GASK1A: variants seen among roughly 807,000 people sequenced by gnomAD.
GASK1A encodes Golgi-associated kinase 1A.
Under a neutral mutation model 41.2 loss-of-function variants are expected in GASK1A, and 40 were observed. That is an observed-to-expected ratio of 0.97 (90% CI 0.75 to 1.27). The LOEUF (loss-of-function observed/expected upper bound fraction) is 1.27. Among genes scored for constraint, GASK1A ranks in the 50% most tolerant of loss-of-function variants. The probability of loss-of-function intolerance (pLI) is 0.00; values close to 1 mark genes in which losing one functional copy is unlikely to be tolerated. For synonymous variants in GASK1A, 316 were observed against 307.1 expected (o/e 1.03, Z -0.30); for missense variants, 678 against 745.1 (o/e 0.91, Z 1.05).
intron 1 of GASK1A, among the ~76,000 whole-genome samples, chr3:43,021,844 G>C (rs1228957835): frequency 1.3e-5 from 2 of 152,220 alleles, no homozygotes; most frequent in African/African-American, 4.8e-5. Flanking sequence ...CTCCGCAACT[G>C]TGGGTGGATG....
chr3:43,003,693 A>G (rs1473074277), intron 1 of GASK1A, among the ~76,000 whole-genome samples: 1 of 152,168 alleles, frequency 6.6e-6, no homozygotes, highest in African/African-American at 2.4e-5. Context: ...GGAAAATATC[A>G]GAACTGCTAT....
intron 3 of GASK1A, 39 bp downstream of exon 3, chr3:43,053,682 C>T: frequency 6.4e-7 from 1 of 1,550,672 alleles, no homozygotes. Context: ...CACCCCAGAC[C>T]CAGGTCTTTC....
Position 43,033,091 on chromosome 3 carries a change from G to T in GASK1A, c.828G>T (p.Glu276Asp), listed in dbSNP as rs2089587173. 7 of 1,551,740 alleles carry T rather than the reference G, an allele frequency of 4.5e-6. No individual in the cohort carries two copies. The highest frequency in any genetic ancestry group is 6.1e-6 in the Non-Finnish European group (7 of 1,147,000). The change falls in exon 2 of 5, where the codon GAG (glutamate) becomes GAT (aspartate). Residue 276 changes from glutamate (E) to aspartate (D), a missense_variant. Transcript: ENST00000430121. Reference sequence around the variant, plus strand: ...TGCTCCGTCTGTTGGCACAGGGGGAGGTGGTGGACAAAGCCAGGGTCCCCG... The same window carrying T: ...TGCTCCGTCTGTTGGCACAGGGGGATGTGGTGGACAAAGCCAGGGTCCCCG... The part of the protein sequence containing the change: ...VQMLRLLAQG[E>D]VVDKARVPAH...
intron 1 of GASK1A, among the ~76,000 whole-genome samples, chr3:42,986,204 C>T (rs371673811): frequency 1.6e-4 from 25 of 152,302 alleles, no homozygotes; most frequent in African/African-American, 6.0e-4. Flanking sequence ...ATTATGCTGA[C>T]TGGGAGAAAC....
At chr3:42,998,834 C>T (rs933683732) in intron 1 of GASK1A, among the ~76,000 whole-genome samples, 4 of 152,200 alleles carry the variant, frequency 2.6e-5, no homozygotes, top group Non-Finnish European at 5.9e-5. Context: ...CTTGTTCCTC[C>T]GTGGCTACTA....
chr3:43,055,327 C>T (rs2089710509), intron 3 of GASK1A, 105 bp from the exon 4 acceptor site: 1 of 736,032 alleles, frequency 1.4e-6, no homozygotes, highest in South Asian at 1.7e-5. Context: ...GACTGTGGGA[C>T]TGACAGCTCA....
intron 1 of GASK1A, among the ~76,000 whole-genome samples, chr3:43,030,248 C>A (rs1308811471): frequency 1.3e-5 from 2 of 152,238 alleles, no homozygotes; most frequent in Non-Finnish European, 2.9e-5. Context: ...CTCAAGTGAT[C>A]CACCCACCTT....
chr3:42,983,390 C>T (rs2125671544), intron 1 of GASK1A, among the ~76,000 whole-genome samples: 1 of 151,918 alleles, frequency 6.6e-6, no homozygotes, highest in East Asian at 1.9e-4. Context: ...CAATACCAGT[C>T]AAGGGGATGC....
intron 1 of GASK1A, among the ~76,000 whole-genome samples, chr3:43,016,062 A>G (rs1237173890): frequency 6.6e-6 from 1 of 150,986 alleles, no homozygotes; most frequent in African/African-American, 2.4e-5. Context: ...AGTCACAGAA[A>G]GGGGCTGTGT....
chr3:43,003,711 T>C (rs1384836936), intron 1 of GASK1A, among the ~76,000 whole-genome samples: 3 of 152,182 alleles, frequency 2.0e-5, no homozygotes, highest in Non-Finnish European at 2.9e-5. Context: ...TATTTACGTT[T>C]ATTTTATCTA....
intron 1 of GASK1A, among the ~76,000 whole-genome samples, chr3:43,015,910 T>A (rs990008419): frequency 6.7e-6 from 1 of 150,166 alleles, no homozygotes; most frequent in African/African-American, 2.5e-5. Flanking sequence ...GGAGGGGCAG[T>A]GTGAAGCCAA....
chr3:43,050,023 T>A (rs2125691987), intron 2 of GASK1A, among the ~76,000 whole-genome samples: 1 of 148,948 alleles, frequency 6.7e-6, no homozygotes, highest in Admixed American at 6.8e-5. Context: ...AGTTTTTTTT[T>A]TTAAATCAGA....
intron 2 of GASK1A, among the ~76,000 whole-genome samples, chr3:43,051,242 A>G (rs141875682): frequency 5.4e-4 from 82 of 152,234 alleles, no homozygotes; most frequent in Admixed American, 9.8e-4. Flanking sequence ...AACAAATTCT[A>G]TAGTCATCTG....
intron 2 of GASK1A, among the ~76,000 whole-genome samples, chr3:43,042,659 A>G (rs191919647): frequency 1.1e-4 from 16 of 152,232 alleles, no homozygotes; most frequent in Non-Finnish European, 2.9e-5. Context: ...CCCAGAACCT[A>G]CTTTGCTGTG....
At chr3:43,008,730 C>T (rs2089448637) in intron 1 of GASK1A, among the ~76,000 whole-genome samples, 1 of 152,194 alleles carries the variant, frequency 6.6e-6, no homozygotes, top group African/African-American at 2.4e-5. Context: ...AAGTCAACTG[C>T]ACTTAGGAGC....
intron 1 of GASK1A, among the ~76,000 whole-genome samples, chr3:43,014,322 AG>A (rs1021194932): frequency 9.5e-4 from 143 of 151,042 alleles, no homozygotes; most frequent in African/African-American, 3.3e-3. Context: ...TCACAGGAAG[AG>A]GCAGTGGGAT....
intron 2 of GASK1A, among the ~76,000 whole-genome samples, chr3:43,040,578 G>A (rs1483103698): frequency 1.3e-5 from 2 of 152,060 alleles, no homozygotes; most frequent in Admixed American, 1.3e-4. Context: ...CACTCTAGCC[G>A]AGAACAGGTT....
intron 2 of GASK1A, 22 bp from the exon 3 acceptor site, chr3:43,053,499 C>T (rs181118135): frequency 3.0e-5 from 46 of 1,521,530 alleles, no homozygotes; most frequent in East Asian, 1.5e-4. Flanking sequence ...CGCACCCCAC[C>T]GAAGGCTGGG....
chr3:42,999,648 T>G (rs1326606334), intron 1 of GASK1A, among the ~76,000 whole-genome samples: 1 of 152,212 alleles, frequency 6.6e-6, no homozygotes, highest in African/African-American at 2.4e-5. Flanking sequence ...GCAGCCAGTA[T>G]AGGGGTTGTG....
Sources: gnomAD v4.1 joint callset for allele counts (sites outside exome capture counted in the v4.1 genomes callset) on GRCh38, gnomAD v4.1.1 for gene constraint, MANE v1.5 for transcripts, NCBI Gene and HGNC (gene_info 2026-07-23, HGNC 2026-07-21) for gene names.